CARMIL1: variants seen among roughly 807,000 people sequenced by gnomAD.
CARMIL1 encodes capping protein regulator and myosin 1 linker 1, also known as F-actin-uncapping protein LRRC16A.
A neutral mutation model predicts 177.1 loss-of-function variants in CARMIL1; 90 were observed. The ratio of observed to expected loss-of-function variants is 0.51; its 90% CI spans 0.43 to 0.61. The LOEUF is 0.61. Ranked by LOEUF, CARMIL1 falls within the 20% of genes least tolerant of loss-of-function variation. The pLI is 0.00. For missense variants in CARMIL1, 1,380 were observed against 1,667.0 expected, an observed-to-expected ratio of 0.83 and a Z score of 3.00; for synonymous variants, 577 against 606.2, an observed-to-expected ratio of 0.95 and a Z score of 0.71.
chr6:25,298,570 T>G (rs1409599409), intron 2 of CARMIL1, among the ~76,000 whole-genome samples: 1 of 152,218 alleles, frequency 6.6e-6, no homozygotes, highest in Non-Finnish European at 1.5e-5. Flanking sequence ...ATTGCAGATC[T>G]GCATGTATTT....
intron 8 of CARMIL1, among the ~76,000 whole-genome samples, chr6:25,460,508 G>A (rs1336172662): frequency 6.6e-6 from 1 of 152,104 alleles, no homozygotes; most frequent in Non-Finnish European, 1.5e-5. Flanking sequence ...AATTCTAGGG[G>A]TCCTGAATGT....
At chr6:25,483,206 G>C (rs1802290672) in intron 12 of CARMIL1, among the ~76,000 whole-genome samples, 1 of 152,154 alleles carries the variant, frequency 6.6e-6, no homozygotes, top group African/African-American at 2.4e-5. Flanking sequence ...CTGGCACTGT[G>C]CCTGGACTAC....
chr6:25,435,455 T>C (rs1797141542), intron 4 of CARMIL1, 28 bp from the exon 5 acceptor site: 1 of 1,547,952 alleles, frequency 6.5e-7, no homozygotes, highest in Non-Finnish European at 8.7e-7. Flanking sequence ...GGACTCATTC[T>C]TAAGAAGTGT....
At chr6:25,361,000 C>T (rs1381564894) in intron 2 of CARMIL1, among the ~76,000 whole-genome samples, 1 of 152,072 alleles carries the variant, frequency 6.6e-6, no homozygotes, top group Non-Finnish European at 1.5e-5. Context: ...CTAAAAATGC[C>T]TGAGTGTGCT....
intron 27 of CARMIL1, 149 bp downstream of exon 27, chr6:25,551,234 C>CTTATATTTATATAAATATAAATATAAAT (rs1810075578): frequency 3.3e-6 from 2 of 607,074 alleles, no homozygotes; most frequent in Admixed American, 3.1e-5. Flanking sequence ...TATAACTGTG[C>CTTATATTTATATAAATATAAATATAAAT]ATAAATGCAT....
intron 29 of CARMIL1, among the ~76,000 whole-genome samples, chr6:25,578,143 CCCTTCATCTGATGGACACTTTGTG>C (rs1275369649): frequency 6.6e-6 from 1 of 152,072 alleles, no homozygotes; most frequent in Non-Finnish European, 1.5e-5. Flanking sequence ...ACGCTGACCC[CCCTTCATCTGATGGACACTTTGTG>C]ATTTCTCTGA....
intron 2 of CARMIL1, among the ~76,000 whole-genome samples, chr6:25,381,536 C>G (rs557648344): frequency 1.3e-5 from 2 of 152,308 alleles, no homozygotes; most frequent in Middle Eastern, 6.8e-3. Flanking sequence ...TCTTGAGTTT[C>G]TATGAGCCCC....
Position 25,537,946 on chromosome 6 carries a change from C to T in CARMIL1, c.2159C>T (p.Ala720Val), listed in dbSNP as rs1270996160. The change falls in exon 25 of 37, where the codon GCA becomes GTA. Residue 720 changes from alanine to valine, a missense_variant. Coordinates refer to ENST00000329474, the MANE Select transcript of CARMIL1 (RefSeq NM_017640.6). ...GDAIQEDLKS[A>V]ERLMRDAKNS... is the part of the protein sequence containing the mutation. ...GCTATCCAGGAAGATTTAAAATCAG[C>T]AGAGCGGCTCATGCGTGATGCTAAG... The T allele has an allele frequency of 6.2e-7, 1 of 1,605,118 alleles. No homozygotes were observed. Among genetic ancestry groups the T allele is most frequent in the Admixed American group, 1.7e-5 (1 of 58,802 alleles).
chr6:25,316,705 G>A (rs953693017), intron 2 of CARMIL1, among the ~76,000 whole-genome samples: 2 of 151,968 alleles, frequency 1.3e-5, no homozygotes, highest in African/African-American at 4.8e-5. Flanking sequence ...CCACCACGCC[G>A]GGCCATTATT....
chr6:25,408,823 G>GA (rs112760197), intron 2 of CARMIL1, among the ~76,000 whole-genome samples: 4,017 of 112,766 alleles, frequency 0.036, 124 homozygotes, highest in African/African-American at 0.092. Flanking sequence ...ACATAAAATA[G>GA]AAAAAAAAAA....
intron 2 of CARMIL1, among the ~76,000 whole-genome samples, chr6:25,331,385 A>G (rs951258191): frequency 3.9e-5 from 6 of 152,094 alleles, no homozygotes; most frequent in African/African-American, 1.2e-4. Flanking sequence ...GGCTAAAGAG[A>G]TTTTGTGGGT....
chr6:25,570,065 C>T (rs1019371281), intron 29 of CARMIL1, among the ~76,000 whole-genome samples: 1 of 152,018 alleles, frequency 6.6e-6, no homozygotes, highest in African/African-American at 2.4e-5. Context: ...CCCGAGTTCA[C>T]GCCATTCTCC....
chr6:25,312,992 G>A (rs910106221), intron 2 of CARMIL1, among the ~76,000 whole-genome samples: 2 of 151,360 alleles, frequency 1.3e-5, no homozygotes, highest in Admixed American at 6.6e-5. Flanking sequence ...GTTGTAAAAA[G>A]CTTTTATCAA....
intron 29 of CARMIL1, among the ~76,000 whole-genome samples, chr6:25,565,176 G>T (rs1272163241): frequency 6.6e-6 from 1 of 152,206 alleles, no homozygotes; most frequent in African/African-American, 2.4e-5. Context: ...AATTTGGGGA[G>T]GCTGGAAGGG....
At chr6:25,437,623 C>T (rs992334070) in intron 5 of CARMIL1, among the ~76,000 whole-genome samples, 2 of 152,198 alleles carry the variant, frequency 1.3e-5, no homozygotes, top group African/African-American at 2.4e-5. Flanking sequence ...AGGACAGCCC[C>T]AGGCACCTCA....
chr6:25,495,379 A>C (rs1053948227), intron 16 of CARMIL1, among the ~76,000 whole-genome samples, 164 bp downstream of exon 16: 8 of 152,172 alleles, frequency 5.3e-5, no homozygotes, highest in African/African-American at 1.7e-4. Flanking sequence ...TAAAAAGTAC[A>C]TTGTGCACTA....
chr6:25,610,008 A>T, intron 35 of CARMIL1, 42 bp from the exon 36 acceptor site: 1 of 1,570,434 alleles, frequency 6.4e-7, no homozygotes, highest in Non-Finnish European at 8.6e-7. Context: ...CTTGGAATCC[A>T]GTTTGTGGAA....
chr6:25,354,832 A>C (rs1376260436), intron 2 of CARMIL1, among the ~76,000 whole-genome samples: 2 of 152,096 alleles, frequency 1.3e-5, no homozygotes, highest in Non-Finnish European at 2.9e-5. Context: ...TTTGTTGCAG[A>C]TCTATATCCA....
rs556768146 is a variant in CARMIL1 at position 25,472,940 on chromosome 6, C to T, written c.874+419C>T. 2.6e-5 allele frequency among the ~76,000 whole-genome samples: 4 copies of T among 152,256 alleles called. No homozygotes were observed. In the South Asian group the frequency reaches 8.3e-4, roughly 32 times the overall value. On this transcript the variant is annotated intron_variant, in intron 11 of 36. Coordinates refer to ENST00000329474, the MANE Select transcript of CARMIL1 (RefSeq NM_017640.6). ...TTGTCAGCAAGGGTTGTGCTCTCAT[C>T]TGTAACCTGGAGTCCTCCTTAAGTT...
Sources: allele counts gnomAD v4.1 joint callset (sites outside exome capture counted in the v4.1 genomes callset), GRCh38; gene constraint gnomAD v4.1.1; transcripts MANE v1.5; gene names NCBI Gene and HGNC (gene_info 2026-07-23, HGNC 2026-07-21).